The following XKR5 variants were observed in gnomAD, a reference collection of about 807,000 sequenced individuals.
XKR5 encodes the protein XK related 5, also known as XK-related protein 5.
Under a neutral mutation model 40.8 loss-of-function variants are expected in XKR5, and 46 were observed. The ratio of observed to expected loss-of-function variants is 1.13; its 90% CI spans 0.89 to 1.44. The LOEUF (loss-of-function observed/expected upper bound fraction) is 1.44. Among genes scored for constraint, XKR5 ranks in the 40% most tolerant of loss-of-function variants. The probability of loss-of-function intolerance (pLI) is 0.00; values close to 1 mark genes in which losing one functional copy is unlikely to be tolerated. For missense variants in XKR5, 1,169 were observed against 844.7 expected (o/e 1.38, Z -4.76); for synonymous variants, 466 against 356.1 (o/e 1.31, Z -3.48).
chr8:6,831,632 A>C (rs1482731875), intron 2 of XKR5, among the ~76,000 whole-genome samples: 3 of 152,060 alleles, frequency 2.0e-5, no homozygotes. Flanking sequence ...CGACCCCTTG[A>C]ACACCTTTCC....
intron 1 of XKR5, among the ~76,000 whole-genome samples, chr8:6,834,114 A>G (rs1274908824): frequency 6.6e-6 from 1 of 152,132 alleles, no homozygotes; most frequent in East Asian, 1.9e-4. Context: ...GGGCCTCCCC[A>G]ATACTCCTAG....
chr8:6,823,906 T>C (rs1804351663), intron 3 of XKR5, among the ~76,000 whole-genome samples, 176 bp from the exon 4 acceptor site: 1 of 152,250 alleles, frequency 6.6e-6, no homozygotes, highest in South Asian at 2.1e-4. Context: ...AACAACTCTA[T>C]GTCCAAATAC....
chr8:6,809,671 G>C lies in XKR5; in HGVS notation c.*1527C>G, dbSNP rs1803593186. Reference sequence around the variant, plus strand: ...CCCGATTGGCTTATGTGGCTGGCCAGGAGGATGCTGATGGTCTGAGAGCTT... The same window carrying C: ...CCCGATTGGCTTATGTGGCTGGCCACGAGGATGCTGATGGTCTGAGAGCTT... On this transcript the variant is annotated 3_prime_UTR_variant, in exon 7 of 7. Transcript: ENST00000618742. 1 of 152,210 alleles carries C rather than the reference G, an allele frequency of 6.6e-6. No homozygotes were observed. Among genetic ancestry groups the C allele is most frequent in the South Asian group, 2.1e-4 (1 of 4,826 alleles). 9.4% of individuals were successfully genotyped at this position (152,210 alleles called of 1,614,324 possible).
At chr8:6,830,282 C>G (rs887807057) in intron 2 of XKR5, among the ~76,000 whole-genome samples, 2 of 152,220 alleles carry the variant, frequency 1.3e-5, no homozygotes, top group African/African-American at 4.8e-5. Context: ...TTGGCTCCCC[C>G]TACAGGTCCT....
intron 5 of XKR5, among the ~76,000 whole-genome samples, chr8:6,819,524 G>A (rs1804126973): frequency 6.6e-6 from 1 of 152,226 alleles, no homozygotes; most frequent in Non-Finnish European, 1.5e-5. Context: ...AACAGTGGGA[G>A]AGGCTGCCTC....
chr8:6,826,347 G>A (rs913157947), intron 2 of XKR5, among the ~76,000 whole-genome samples: 2 of 152,020 alleles, frequency 1.3e-5, no homozygotes, highest in East Asian at 1.9e-4. Flanking sequence ...GTGTGTGCAC[G>A]CATGTAGTGT....
intron 2 of XKR5, among the ~76,000 whole-genome samples, chr8:6,830,526 C>A (rs1448080915): frequency 1.3e-5 from 2 of 152,124 alleles, no homozygotes. Context: ...TGTTATAAAC[C>A]TTAGGGCCAA....
At chr8:6,814,887 G>C (rs911998653) in intron 6 of XKR5, among the ~76,000 whole-genome samples, 2 of 152,134 alleles carry the variant, frequency 1.3e-5, no homozygotes, top group African/African-American at 4.8e-5. Flanking sequence ...CCTTTCCCAG[G>C]TCCAGGCCAC....
intron 2 of XKR5, among the ~76,000 whole-genome samples, chr8:6,828,538 G>C (rs1001003325): frequency 1.3e-5 from 2 of 152,310 alleles, no homozygotes; most frequent in Non-Finnish European, 2.9e-5. Context: ...GAGACCCCTG[G>C]ACAGCCACTA....
chr8:6,816,565 G>A (rs1024622950), intron 5 of XKR5, among the ~76,000 whole-genome samples: 7 of 151,468 alleles, frequency 4.6e-5, no homozygotes, highest in African/African-American at 1.5e-4. Flanking sequence ...AAAAAGATAC[G>A]TCTTCATTAA....
chr8:6,819,307 A>G (rs1009556466), intron 5 of XKR5, among the ~76,000 whole-genome samples: 7 of 152,328 alleles, frequency 4.6e-5, no homozygotes, highest in Middle Eastern at 3.4e-3. Flanking sequence ...CACCCTCCGC[A>G]GAAGGTAATG....
intron 1 of XKR5, among the ~76,000 whole-genome samples, chr8:6,833,631 G>A (rs1486327413): frequency 2.0e-5 from 3 of 152,220 alleles, no homozygotes; most frequent in African/African-American, 4.8e-5. Flanking sequence ...CACCAGAATG[G>A]CTTCAACTCA....
intron 2 of XKR5, among the ~76,000 whole-genome samples, chr8:6,827,120 C>T (rs1408087175): frequency 1.3e-5 from 2 of 152,172 alleles, no homozygotes; most frequent in Non-Finnish European, 1.5e-5. Context: ...AGCCACTCCC[C>T]ACCACACCAG....
At chr8:6,826,796 G>A (rs1226389762) in intron 2 of XKR5, among the ~76,000 whole-genome samples, 1 of 152,190 alleles carries the variant, frequency 6.6e-6, no homozygotes, top group Non-Finnish European at 1.5e-5. Flanking sequence ...GGATACGAAA[G>A]GGACACCAGC....
intron 1 of XKR5, among the ~76,000 whole-genome samples, chr8:6,834,832 G>C (rs1804938388): frequency 6.6e-6 from 1 of 151,972 alleles, no homozygotes; most frequent in Non-Finnish European, 1.5e-5. Context: ...CGGGCTCTGG[G>C]TTCCCCCTGC....
At chr8:6,821,215 C>A (rs949614541) in intron 5 of XKR5, among the ~76,000 whole-genome samples, 1 of 152,192 alleles carries the variant, frequency 6.6e-6, no homozygotes, top group African/African-American at 2.4e-5. Context: ...TGTATTTTCT[C>A]TCCTTTGCCC....
At chr8:6,831,243 T>A (rs1804749524) in intron 2 of XKR5, among the ~76,000 whole-genome samples, 2 of 152,176 alleles carry the variant, frequency 1.3e-5, no homozygotes. Context: ...GCTCTGACCC[T>A]ATGAGGCCCT....
intron 6 of XKR5, among the ~76,000 whole-genome samples, chr8:6,813,610 G>T (rs142634126): frequency 9.8e-5 from 15 of 152,324 alleles, no homozygotes; most frequent in African/African-American, 3.6e-4. Context: ...GATTCCCAAG[G>T]GTCGGCTGGG....
intron 1 of XKR5, among the ~76,000 whole-genome samples, chr8:6,835,228 G>T (rs890292546): frequency 3.9e-5 from 6 of 152,148 alleles, no homozygotes; most frequent in Non-Finnish European, 5.9e-5. Flanking sequence ...ATGCATCCTT[G>T]GGGGGATGGT....
Sources: gnomAD v4.1 joint callset for allele counts (sites outside exome capture counted in the v4.1 genomes callset) on GRCh38, gnomAD v4.1.1 for gene constraint, MANE v1.5 for transcripts, NCBI Gene and HGNC (gene_info 2026-07-23, HGNC 2026-07-21) for gene names.